STXBP4: variants seen among roughly 807,000 people sequenced by gnomAD.
The protein encoded by STXBP4 is syntaxin binding protein 4, also known as syntaxin-binding protein 4.
STXBP4 carries 55 observed loss-of-function variants against 76.1 expected under a neutral mutation model. The ratio of observed to expected loss-of-function variants is 0.72; its 90% CI spans 0.58 to 0.91. STXBP4 has a LOEUF of 0.91. Among genes scored for constraint, STXBP4 ranks in the 40% least tolerant of loss-of-function variants. The pLI is 0.00. For synonymous variants in STXBP4, 201 were observed against 220.2 expected (o/e 0.91, Z 0.77); for missense variants, 618 against 636.9 (o/e 0.97, Z 0.32).
chr17:55,181,174 A>G, the STXBP4 span, among the ~76,000 whole-genome samples: 1 of 152,220 alleles, frequency 6.6e-6, no homozygotes, highest in South Asian at 2.1e-4. Flanking sequence ...TTCTTCTGCT[A>G]CTTTGCAGAC....
the STXBP4 span, among the ~76,000 whole-genome samples, chr17:55,181,151 A>G: frequency 6.6e-6 from 1 of 152,202 alleles, no homozygotes; most frequent in Non-Finnish European, 1.5e-5. Flanking sequence ...TGATTGTCAC[A>G]TAAGACTCTA....
chr17:55,175,278 T>C (rs1430884151), downstream of STXBP4, among the ~76,000 whole-genome samples: 1 of 152,208 alleles, frequency 6.6e-6, no homozygotes, highest in Non-Finnish European at 1.5e-5. Flanking sequence ...GTGTGATTTT[T>C]GAAATCTAAA....
At chr17:55,179,305 C>T in the STXBP4 span, among the ~76,000 whole-genome samples, 1 of 151,988 alleles carries the variant, frequency 6.6e-6, no homozygotes, top group East Asian at 1.9e-4. Context: ...ATATTGATTC[C>T]TAGAGCATGG....
chr17:55,073,125 G>T (rs1406150632), intron 13 of STXBP4, 49 bp downstream of exon 13: 2 of 1,563,906 alleles, frequency 1.3e-6, no homozygotes, highest in East Asian at 2.3e-5. Context: ...CCTTGCCGTT[G>T]TCATGTATCC....
chr17:55,053,119 T>C (rs891411008), intron 12 of STXBP4, among the ~76,000 whole-genome samples: 4 of 151,980 alleles, frequency 2.6e-5, no homozygotes, highest in African/African-American at 9.7e-5. Flanking sequence ...TATTATTGGG[T>C]CAGTTGACAA....
chr17:55,082,415 A>T (rs183118062), intron 16 of STXBP4, among the ~76,000 whole-genome samples: 63 of 152,336 alleles, frequency 4.1e-4, no homozygotes, highest in African/African-American at 1.4e-3. Flanking sequence ...AATGTATATT[A>T]AAACTATGCA....
At chr17:55,207,142 T>A in the STXBP4 span, among the ~76,000 whole-genome samples, 350 of 152,200 alleles carry the variant, frequency 2.3e-3, 1 homozygote, top group Middle Eastern at 0.017. Context: ...TAAAGTCCAG[T>A]GGATCTCTAC....
chr17:55,012,006 G>T (rs545214226), intron 8 of STXBP4, among the ~76,000 whole-genome samples: 1 of 152,164 alleles, frequency 6.6e-6, no homozygotes, highest in Non-Finnish European at 1.5e-5. Context: ...CTAGCAGGCC[G>T]GTCCAGGGGT....
Position 55,081,121 on chromosome 17 carries a change from C to T in STXBP4, c.1427C>T (p.Ala476Val). 1 of 1,556,310 alleles carries T rather than the reference C, an allele frequency of 6.4e-7. No homozygotes were observed. The change falls in exon 16 of 18, where the codon GCA (alanine) becomes GTA (valine). Residue 476 changes from alanine to valine, a missense_variant. Physicochemically the swap from Ala to Val is moderately conservative, Grantham distance 64. Coordinates refer to ENST00000376352, the MANE Select transcript of STXBP4 (RefSeq NM_178509.6). ...GGAAGGAATGGACGTAGCATCCCAG[C>T]AACGCTGGCGCTTGAATCTAAGGAA... ...PLGRNGRSIP[A>V]TLALESKELV...
chr17:55,014,139 T>C (rs886788454), intron 8 of STXBP4, among the ~76,000 whole-genome samples: 1 of 152,162 alleles, frequency 6.6e-6, no homozygotes, highest in Non-Finnish European at 1.5e-5. Context: ...ACAATTTTTT[T>C]GAGTCCTTGT....
chr17:55,185,299 CCTTCTCCTTCTCCTTCTCCTT>C, the STXBP4 span, among the ~76,000 whole-genome samples: 1 of 118,668 alleles, frequency 8.4e-6, no homozygotes, highest in African/African-American at 3.4e-5. Flanking sequence ...TTCTCCTTCT[CCTTCTCCTTCTCCTTCTCCTT>C]CTCCTTCTCC....
the STXBP4 span, among the ~76,000 whole-genome samples, chr17:55,191,457 A>G: frequency 6.6e-5 from 10 of 152,284 alleles, no homozygotes; most frequent in Middle Eastern, 3.4e-3. Flanking sequence ...GGTTATGACA[A>G]TGGAGGATCC....
At position 55,084,323 on chromosome 17, in the gene STXBP4, G is replaced by C. The variant is rs373538224; in HGVS notation, c.1489+3140G>C. Among the ~76,000 whole-genome samples, 679 of 152,172 alleles carry C rather than the reference G, an allele frequency of 4.5e-3. 3 individuals carry two copies. The highest frequency in any genetic ancestry group is 0.015 in the African/African-American group (617 of 41,514). On this transcript the variant is annotated intron_variant, in intron 16 of 17. Coordinates refer to ENST00000376352, the MANE Select transcript of STXBP4 (RefSeq NM_178509.6). Reference sequence around the variant, plus strand: ...CATGTCCTTTGCCCACTTTTTGATGGGGTTGTTTGCTTTTTTCTTGTAAAT... The same window carrying C: ...CATGTCCTTTGCCCACTTTTTGATGCGGTTGTTTGCTTTTTTCTTGTAAAT...
At chr17:55,019,672 T>A (rs2078270877) in intron 8 of STXBP4, among the ~76,000 whole-genome samples, 1 of 152,194 alleles carries the variant, frequency 6.6e-6, no homozygotes, top group Admixed American at 6.5e-5. Flanking sequence ...ATTTTCCCTT[T>A]TCTCTAAGTA....
intron 12 of STXBP4, 56 bp downstream of exon 12, chr17:55,047,210 G>C: frequency 9.4e-7 from 1 of 1,058,612 alleles, no homozygotes; most frequent in South Asian, 1.5e-5. Flanking sequence ...GTGTGTGTGT[G>C]TGTGTGTGAA....
rs2077869903 is a variant in STXBP4, at chr17:54,999,410, A to C, written c.246A>C (p.Ser82=). The stretch of plus-strand genomic sequence containing the variant: ...ACAAGGAATCTATGATTGGTGTATC[A>C]TTTGAAGAAGCAAAAAGCATAATTA... ...SVNKESMIGV[S]FEEAKSIITG... is the part of the protein sequence containing the mutation. Residue 82 remains serine, a synonymous_variant, in exon 5 of 18, where the codon TCA becomes TCC. Coordinates refer to ENST00000376352, the MANE Select transcript of STXBP4 (RefSeq NM_178509.6). The C allele has an allele frequency of 2.5e-6, 4 of 1,613,192 alleles. No homozygotes were observed. The highest frequency in any genetic ancestry group is 2.5e-6 in the Non-Finnish European group (3 of 1,179,668).
chr17:55,054,994 A>T (rs1172404533), intron 12 of STXBP4, among the ~76,000 whole-genome samples: 1 of 152,130 alleles, frequency 6.6e-6, no homozygotes, highest in African/African-American at 2.4e-5. Context: ...TTTCTATGCT[A>T]ACTTTAAGTT....
rs1470639251 is a variant in STXBP4 at position 55,162,748 on chromosome 17, G to A, written c.*2837G>A. 1 of 152,148 alleles carries A rather than the reference G, an allele frequency of 6.6e-6. No homozygotes were observed. Among genetic ancestry groups the A allele is most frequent in the Non-Finnish European group, 1.5e-5 (1 of 68,020 alleles). 9.4% of individuals were successfully genotyped at this position (152,148 alleles called of 1,614,324 possible). ...AGGTAGCAGTCACTAATACTGTGGT[G>A]AGTGATTTTACTCAAAGGAAATCAC... is the stretch of plus-strand genomic sequence containing the variant. On this transcript the variant is annotated 3_prime_UTR_variant, in exon 18 of 18. Transcript: ENST00000376352.
intron 1 of STXBP4, 66 bp downstream of exon 1, chr17:54,968,881 A>T: frequency 2.1e-6 from 1 of 479,626 alleles, no homozygotes; most frequent in Admixed American, 3.4e-5. Context: ...GTCTCTTAAC[A>T]TTTAGGAAAA....
Sources: allele counts gnomAD v4.1 joint callset (sites outside exome capture counted in the v4.1 genomes callset), GRCh38; gene constraint gnomAD v4.1.1; transcripts MANE v1.5; gene names NCBI Gene and HGNC (gene_info 2026-07-23, HGNC 2026-07-21).